Variants in DIP2C observed in about 807,000 individuals in gnomAD.
DIP2C encodes the protein disco-interacting protein 2 homolog C.
In DIP2C, 33 loss-of-function variants were observed where a neutral mutation model predicts 192.4. The ratio of observed to expected loss-of-function variants is 0.17; its 90% CI spans 0.13 to 0.23. The LOEUF (loss-of-function observed/expected upper bound fraction) is 0.23. Ranked by LOEUF, DIP2C falls within the 10% of genes least tolerant of loss-of-function variation. DIP2C has a pLI of 1.00. For missense variants in DIP2C, 1,537 were observed against 2,110.1 expected (o/e 0.73, Z 5.32); for synonymous variants, 979 against 864.1 (o/e 1.13, Z -2.33).
chr10:619,647 C>A (rs1853736773), intron 1 of DIP2C, among the ~76,000 whole-genome samples: 1 of 151,796 alleles, frequency 6.6e-6, no homozygotes, highest in Non-Finnish European at 1.5e-5. Flanking sequence ...AACCTGGTTA[C>A]CCTCACCCAC....
chr10:537,751 T>C (rs962245766), intron 1 of DIP2C, among the ~76,000 whole-genome samples: 4 of 152,136 alleles, frequency 2.6e-5, no homozygotes, highest in African/African-American at 9.7e-5. Flanking sequence ...GCAAAGCTCT[T>C]GGGGTCTCCC....
intron 1 of DIP2C, among the ~76,000 whole-genome samples, chr10:530,738 A>ACC (rs558204844): frequency 6.6e-6 from 1 of 151,344 alleles, no homozygotes; most frequent in Non-Finnish European, 1.5e-5. Context: ...TCAACATGGC[A>ACC]CCCCCTGCTG....
At chr10:357,614 A>G (rs1251881348) in intron 23 of DIP2C, among the ~76,000 whole-genome samples, 1 of 152,220 alleles carries the variant, frequency 6.6e-6, no homozygotes, top group African/African-American at 2.4e-5. Flanking sequence ...AGAATAAAGG[A>G]AGATCTGCAG....
intron 1 of DIP2C, among the ~76,000 whole-genome samples, chr10:556,484 C>T (rs964535954): frequency 3.3e-5 from 5 of 149,656 alleles, no homozygotes; most frequent in Non-Finnish European, 5.9e-5. Flanking sequence ...GCCCTGGCAG[C>T]GGCCACCTGA....
intron 3 of DIP2C, among the ~76,000 whole-genome samples, chr10:443,185 T>G (rs1360507896): frequency 6.6e-6 from 1 of 152,220 alleles, no homozygotes; most frequent in East Asian, 1.9e-4. Context: ...TGTGACACTA[T>G]GTACATATTC....
chr10:525,190 A>G (rs529970476), intron 1 of DIP2C, among the ~76,000 whole-genome samples: 1 of 152,200 alleles, frequency 6.6e-6, no homozygotes, highest in South Asian at 2.1e-4. Context: ...AAATGTACTT[A>G]ATTTTATCAC....
At chr10:386,376 C>T (rs1227798519) in intron 14 of DIP2C, among the ~76,000 whole-genome samples, 1 of 152,188 alleles carries the variant, frequency 6.6e-6, no homozygotes, top group East Asian at 1.9e-4. Context: ...AGTCACAAAG[C>T]TAAGAAAGGA....
At chr10:338,913 G>C (rs145506764) in intron 29 of DIP2C, among the ~76,000 whole-genome samples, 24 of 141,854 alleles carry the variant, frequency 1.7e-4, no homozygotes, top group Middle Eastern at 3.7e-3. Flanking sequence ...CACAGCCCAC[G>C]CCACCTGCAC....
At chr10:539,670 G>C (rs545441131) in intron 1 of DIP2C, among the ~76,000 whole-genome samples, 60 of 152,348 alleles carry the variant, frequency 3.9e-4, no homozygotes, top group Non-Finnish European at 5.3e-4. Flanking sequence ...TCCTGGTCCA[G>C]AGACTTGACA....
chr10:636,662 G>A lies in DIP2C; in HGVS notation c.85+52832C>T, dbSNP rs976834361. ...CTATCTGGGCCACACACTGCGCCGA[G>A]TGACTCTCCTTCCCCATCTTCGTCA... On this transcript the variant is annotated intron_variant, in intron 1 of 36. Transcript: ENST00000280886. This position sits in a 1 kb window ranked among gnomAD's most constrained non-coding sequence, Gnocchi z 4.6. Among the ~76,000 whole-genome samples the A allele has an allele frequency of 1.3e-5, 2 of 152,208 alleles. No individual in the cohort carries two copies. The highest frequency in any genetic ancestry group is 4.8e-5 in the African/African-American group (2 of 41,448).
chr10:289,096 T>A (rs1175933543), intron 32 of DIP2C, among the ~76,000 whole-genome samples: 1 of 152,194 alleles, frequency 6.6e-6, no homozygotes, highest in South Asian at 2.1e-4. Flanking sequence ...ACCATCACAC[T>A]CTTCATTCAC....
chr10:397,865 A>G (rs2133008615), intron 10 of DIP2C, among the ~76,000 whole-genome samples: 1 of 152,328 alleles, frequency 6.6e-6, no homozygotes, highest in East Asian at 1.9e-4. Context: ...GTTAACCTGA[A>G]AAACCAGTTC....
chr10:567,802 T>A (rs1049451801), intron 1 of DIP2C, among the ~76,000 whole-genome samples: 1 of 152,054 alleles, frequency 6.6e-6, no homozygotes, highest in African/African-American at 2.4e-5. Flanking sequence ...CTCACCCTGC[T>A]GATTTTTAGT....
At chr10:602,122 AT>A (rs1222859798) in intron 1 of DIP2C, among the ~76,000 whole-genome samples, 4 of 152,134 alleles carry the variant, frequency 2.6e-5, no homozygotes, top group African/African-American at 9.7e-5. Flanking sequence ...TGTTTACAGG[AT>A]TTCAGGACTC....
intron 29 of DIP2C, chr10:340,726 G>A (rs1427713905): frequency 2.2e-6 from 1 of 456,538 alleles, no homozygotes; most frequent in Non-Finnish European, 4.4e-6. Flanking sequence ...CTCCGAGCCG[G>A]CTGCTGGGTA....
chr10:349,234 G>C lies in DIP2C; in HGVS notation c.3109+97C>G, dbSNP rs956430020. The C allele has an allele frequency of 2.7e-6, 4 of 1,500,782 alleles. 1 individual carries two copies. Among genetic ancestry groups the C allele is most frequent in the South Asian group, 2.5e-5 (2 of 79,236 alleles). 93.0% of individuals were successfully genotyped at this position (1,500,782 alleles called of 1,614,324 possible). A position where few individuals can be genotyped will look rare whatever the true frequency, so the allele number is the denominator to read the frequency against. On this transcript the variant is annotated intron_variant, in intron 25 of 36. Transcript: ENST00000280886. Reference sequence around the variant, plus strand: ...CAGTGCAGACTCCCAGCCATGACGCGACCCTCGGCTCAGGCACCAGCGGGT... The same window carrying C: ...CAGTGCAGACTCCCAGCCATGACGCCACCCTCGGCTCAGGCACCAGCGGGT...
chr10:360,363 G>C (rs1959314352), intron 22 of DIP2C, among the ~76,000 whole-genome samples: 1 of 152,202 alleles, frequency 6.6e-6, no homozygotes, highest in South Asian at 2.1e-4. Flanking sequence ...CGCCATTTAA[G>C]CTACAGAGTT....
intron 1 of DIP2C, among the ~76,000 whole-genome samples, chr10:557,116 T>C (rs1848920478): frequency 6.6e-6 from 1 of 152,226 alleles, no homozygotes; most frequent in South Asian, 2.1e-4. Context: ...ACCTTGACAC[T>C]GGGCGTAAGA....
At chr10:499,778 C>T (rs1845096778) in intron 1 of DIP2C, among the ~76,000 whole-genome samples, 1 of 152,198 alleles carries the variant, frequency 6.6e-6, no homozygotes, top group South Asian at 2.1e-4. Flanking sequence ...GGTGGGGATA[C>T]AGAGCCAAAC....
Sources: allele counts gnomAD v4.1 joint callset (sites outside exome capture counted in the v4.1 genomes callset), GRCh38; gene constraint gnomAD v4.1.1; non-coding constraint Gnocchi (gnomAD v3.1); transcripts MANE v1.5; gene names NCBI Gene and HGNC (gene_info 2026-07-23, HGNC 2026-07-21).